Variants in BLNK observed in about 807,000 individuals in gnomAD.
The protein encoded by BLNK is B cell linker.
BLNK carries 29 observed loss-of-function variants against 73.5 expected under a neutral mutation model. The observed-to-expected ratio is 0.39, with a 90% CI of 0.29 to 0.54. The LOEUF is 0.54. Ranked by LOEUF, BLNK falls within the 20% of genes least tolerant of loss-of-function variation. The pLI is 0.61. For synonymous variants in BLNK, 176 were observed against 200.8 expected, an observed-to-expected ratio of 0.88 and a Z score of 1.04; for missense variants, 460 against 562.8, an observed-to-expected ratio of 0.82 and a Z score of 1.85.
intron 1 of BLNK, among the ~76,000 whole-genome samples, chr10:96,254,327 C>T (rs1024148401): frequency 1.1e-4 from 16 of 152,190 alleles, no homozygotes; most frequent in African/African-American, 2.7e-4. Flanking sequence ...CAGAAGGAAT[C>T]GGCTGTGGTT....
intron 1 of BLNK, among the ~76,000 whole-genome samples, chr10:96,259,011 T>G (rs1424383179): frequency 6.6e-6 from 1 of 152,236 alleles, no homozygotes; most frequent in Admixed American, 6.5e-5. Flanking sequence ...GCCCAGATCC[T>G]ACAGCAAATA....
intron 5 of BLNK, among the ~76,000 whole-genome samples, chr10:96,226,788 T>A (rs587768250): frequency 6.6e-6 from 1 of 151,302 alleles, no homozygotes; most frequent in African/African-American, 2.4e-5. Flanking sequence ...GTGAAGCGAG[T>A]TCATGCCACT....
chr10:96,260,561 G>C (rs1041437112), intron 1 of BLNK, among the ~76,000 whole-genome samples: 66 of 152,218 alleles, frequency 4.3e-4, no homozygotes, highest in African/African-American at 1.5e-3. Flanking sequence ...ATATCTACAT[G>C]GCATGATATA....
intron 1 of BLNK, among the ~76,000 whole-genome samples, chr10:96,267,425 A>G (rs1844053088): frequency 6.6e-6 from 1 of 152,202 alleles, no homozygotes. Flanking sequence ...CATCGACCAA[A>G]ACAGGGAGGA....
chr10:96,227,700 G>T, intron 4 of BLNK, 134 bp from the exon 5 acceptor site: 1 of 1,391,366 alleles, frequency 7.2e-7, no homozygotes, highest in East Asian at 2.3e-5. Flanking sequence ...AAAAGGCTAG[G>T]CAGCCGATAA....
chr10:96,206,595 A>G (rs2133974404), intron 11 of BLNK, among the ~76,000 whole-genome samples: 1 of 152,116 alleles, frequency 6.6e-6, no homozygotes, highest in African/African-American at 2.4e-5. Context: ...AGATGTACTA[A>G]GAAGACAGAC....
intron 1 of BLNK, among the ~76,000 whole-genome samples, chr10:96,267,001 G>A (rs539657341): frequency 5.4e-4 from 83 of 152,378 alleles, no homozygotes; most frequent in African/African-American, 2.0e-3. Flanking sequence ...AAACTGAGGT[G>A]TAGAGAAACT....
At chr10:96,202,286 T>G (rs1564815441) in intron 13 of BLNK, among the ~76,000 whole-genome samples, 1 of 152,170 alleles carries the variant, frequency 6.6e-6, no homozygotes, top group Admixed American at 6.5e-5. Context: ...TCATTCCAGC[T>G]GCTGGGCTGG....
At chr10:96,263,642 A>T (rs1219158619) in intron 1 of BLNK, among the ~76,000 whole-genome samples, 1 of 152,198 alleles carries the variant, frequency 6.6e-6, no homozygotes, top group African/African-American at 2.4e-5. Flanking sequence ...CAGGACAGGT[A>T]GGAAAAGGTG....
intron 5 of BLNK, 119 bp downstream of exon 5, chr10:96,227,291 G>T: frequency 7.5e-7 from 1 of 1,342,170 alleles, no homozygotes; most frequent in Non-Finnish European, 1.0e-6. Context: ...TGGCGGGAGC[G>T]GGCGGCTGGC....
chr10:96,212,743 C>G (rs966252393), intron 8 of BLNK, among the ~76,000 whole-genome samples: 1 of 152,170 alleles, frequency 6.6e-6, no homozygotes, highest in African/African-American at 2.4e-5. Context: ...CTGATGGACA[C>G]TTTTGTGATG....
chr10:96,227,319 A>G, intron 5 of BLNK, 91 bp downstream of exon 5: 4 of 1,532,440 alleles, frequency 2.6e-6, no homozygotes, highest in Non-Finnish European at 3.5e-6. Flanking sequence ...CTCAAGCAGC[A>G]GCCAGGTTTG....
chr10:96,196,410 C>G (rs2083466842), intron 16 of BLNK, among the ~76,000 whole-genome samples: 1 of 152,098 alleles, frequency 6.6e-6, no homozygotes, highest in Non-Finnish European at 1.5e-5. Flanking sequence ...ATATTTAAGA[C>G]CCATGTGATT....
chr10:96,208,304 G>A (rs2083869609), intron 9 of BLNK, among the ~76,000 whole-genome samples: 2 of 152,220 alleles, frequency 1.3e-5, no homozygotes, highest in East Asian at 3.9e-4. Flanking sequence ...GCTCCCTGTG[G>A]GGGTTACTGT....
chr10:96,259,670 C>CTTTTTTTTTTTTTTTTTTTTTTTTTTTTT (rs57821919), intron 1 of BLNK, among the ~76,000 whole-genome samples: 91 of 44,868 alleles, frequency 2.0e-3, no homozygotes, highest in East Asian at 3.2e-3. Flanking sequence ...CACACCCTAC[C>CTTTTTTTTTTTTTTTTTTTTTTTTTTTTT]TTTTTTTTTT....
intron 1 of BLNK, among the ~76,000 whole-genome samples, chr10:96,267,737 G>A (rs371146130): frequency 6.6e-6 from 1 of 152,110 alleles, no homozygotes. Flanking sequence ...AGAATCAATA[G>A]ACAAAATAGT....
intron 6 of BLNK, among the ~76,000 whole-genome samples, chr10:96,219,481 A>G (rs1169398551): frequency 2.0e-5 from 3 of 152,206 alleles, no homozygotes; most frequent in African/African-American, 4.8e-5. Flanking sequence ...ATCCTTCAAT[A>G]TCTTATGTCT....
rs1237885449 is a variant in BLNK, at chr10:96,230,646, T to G, written c.204+148A>C. The stretch of plus-strand genomic sequence containing the variant: ...TGAGTGCCAGTCAAGTCAGCTGGTA[T>G]GCAGTATGCCTTGCCTGTAGGTGAC... On this transcript the variant is annotated intron_variant, in intron 4 of 16. Coordinates refer to ENST00000224337, the MANE Select transcript of BLNK (RefSeq NM_013314.4). The G allele has an allele frequency of 6.0e-6, 5 of 835,756 alleles. No homozygotes were observed. In the Admixed American group the frequency reaches 1.1e-4, roughly 18 times the overall value. The allele number at this position is 835,756 out of a possible 1,614,324, so 51.8% of individuals were successfully genotyped here.
At chr10:96,255,615 G>A (rs1402033221) in intron 1 of BLNK, among the ~76,000 whole-genome samples, 1 of 152,028 alleles carries the variant, frequency 6.6e-6, no homozygotes, top group African/African-American at 2.4e-5. Flanking sequence ...GTGACTCTTT[G>A]TAAACAAACA....
Sources: gnomAD v4.1 joint callset for allele counts (sites outside exome capture counted in the v4.1 genomes callset) on GRCh38, gnomAD v4.1.1 for gene constraint, MANE v1.5 for transcripts, NCBI Gene and HGNC (gene_info 2026-07-23, HGNC 2026-07-21) for gene names.